AKT1: variants seen among roughly 807,000 people sequenced by gnomAD.
AKT1 encodes RAC-alpha serine/threonine-protein kinase.
A neutral mutation model predicts 63.1 loss-of-function variants in AKT1; 21 were observed. The observed-to-expected ratio is 0.33, with a 90% confidence interval of 0.24 to 0.48. AKT1 has a LOEUF of 0.48. Ranked by LOEUF, AKT1 falls within the 20% of genes least tolerant of loss-of-function variation. The probability of loss-of-function intolerance (pLI) is 0.99; values close to 1 mark genes in which losing one functional copy is unlikely to be tolerated. For missense variants in AKT1, 382 were observed against 666.0 expected, an observed-to-expected ratio of 0.57 and a Z score of 4.69; for synonymous variants, 257 against 253.1, an observed-to-expected ratio of 1.02 and a Z score of -0.15.
In AKT1 at chr14:104,775,184, C is replaced by T. The variant is rs1298697630; in HGVS notation, c.459G>A (p.Leu153=). The change falls in exon 7 of 15, where the codon CTG becomes CTA. Residue 153 remains leucine, a synonymous_variant. Transcript: ENST00000649815. Reference sequence around the variant, plus strand: ...CGAAAGTGCCCTTGCCCAGCAGCTTCAGGTACTCAAACTCGTTCATGGTCT... The same window carrying T: ...CGAAAGTGCCCTTGCCCAGCAGCTTTAGGTACTCAAACTCGTTCATGGTCT... The part of the protein sequence containing the change: ...HRVTMNEFEY[L]KLLGKGTFGK... The T allele has an allele frequency of 6.2e-7, 1 of 1,614,006 alleles. No individual in the cohort carries two copies. Among genetic ancestry groups the T allele is most frequent in the African/African-American group, 1.3e-5 (1 of 74,942 alleles).
intron 8 of AKT1, 147 bp from the exon 9 acceptor site, chr14:104,774,127 C>A: frequency 1.4e-6 from 1 of 717,948 alleles, no homozygotes; most frequent in Non-Finnish European, 2.4e-6. Flanking sequence ...ACCACGCTGC[C>A]TGATACCACA....
At position 104,777,551 on chromosome 14, in the gene AKT1, CACCTGGGGAACACAT is replaced by C. The variant is rs1339164116; in HGVS notation, c.176-796_176-782del. The C allele has an allele frequency of 7.9e-6, 8 of 1,016,326 alleles. No individual in the cohort carries two copies. In the African/African-American group the frequency reaches 1.0e-4, roughly 13 times the overall value. 63.0% of individuals were successfully genotyped at this position (1,016,326 alleles called of 1,614,324 possible). ...CACAGCCACACCTGGGGCACAAGCA[CACCTGGGGAACACAT>C]ACCTGGGGCACAGCCACACCTACAG... On this transcript the variant is annotated intron_variant, in intron 4 of 14. Transcript: ENST00000649815.
At chr14:104,774,745 G>C (rs1400200379) in intron 8 of AKT1, 193 bp downstream of exon 8, 3 of 635,940 alleles carry the variant, frequency 4.7e-6, no homozygotes. Flanking sequence ...CGGGAGCAGC[G>C]AGCACAGCCC....
intron 3 of AKT1, 119 bp from the exon 4 acceptor site, chr14:104,780,335 G>A (rs1892961741): frequency 2.9e-6 from 4 of 1,392,726 alleles, no homozygotes; most frequent in Non-Finnish European, 3.9e-6. Context: ...AGTCCCAGGG[G>A]GCAGGCGCGG....
At chr14:104,774,578 G>T (rs538761817) in intron 8 of AKT1, 2 of 306,922 alleles carry the variant, frequency 6.5e-6, no homozygotes, top group East Asian at 6.1e-5. Flanking sequence ...AATACCTCCT[G>T]GGCCAAGTCC....
chr14:104,771,081 C>T (rs546083181), intron 13 of AKT1: 5 of 532,298 alleles, frequency 9.4e-6, no homozygotes, highest in Non-Finnish European at 1.7e-5. Context: ...AAGCTGCCCT[C>T]ACAGCAGCCC....
At chr14:104,785,432 G>A (rs932779472) in intron 3 of AKT1, among the ~76,000 whole-genome samples, 13 of 152,192 alleles carry the variant, frequency 8.5e-5, no homozygotes, top group African/African-American at 2.4e-4. Context: ...TGCTCCTCCC[G>A]GCACAAGCCC....
intron 13 of AKT1, chr14:104,772,157 A>C (rs1595240618): frequency 3.3e-6 from 2 of 611,176 alleles, no homozygotes; most frequent in Non-Finnish European, 5.8e-6. Flanking sequence ...GGACCAGGCC[A>C]GTTTCCTGGT....
Position 104,773,398 on chromosome 14 carries a change from C to T in AKT1, c.829-19G>A. 6.2e-7 allele frequency: 1 copy of T among 1,614,168 alleles called. No homozygotes were observed. The highest frequency in any genetic ancestry group is 8.5e-7 in the Non-Finnish European group (1 of 1,179,986). On this transcript the variant is annotated intron_variant, in intron 10 of 14. Coordinates refer to ENST00000649815, the MANE Select transcript of AKT1 (RefSeq NM_001382430.1). ...TCTCCAGCTAGGGGAAAGGTGGCCT[C>T]AGGTCAGTGCCGCCAGGCCCCCAGG...
Position 104,776,736 on chromosome 14 carries a change from G to A in AKT1, c.210C>T (p.Pro70=), listed in dbSNP as rs1431558516. 1 of 1,613,266 alleles carries A rather than the reference G, an allele frequency of 6.2e-7. No homozygotes were observed. The change falls in exon 5 of 15, where the codon CCC becomes CCT. Residue 70 remains proline (P), a synonymous_variant. Coordinates refer to ENST00000649815, the MANE Select transcript of AKT1 (RefSeq NM_001382430.1). The part of the protein sequence containing the change: ...CQLMKTERPR[P]NTFIIRCLQW... ...GCAGGCAGCGGATGATGAAGGTGTTGGGCCGGGGCCGCTCCGTCTTCATCA... is the reference window on the plus strand; with the variant it reads ...GCAGGCAGCGGATGATGAAGGTGTTAGGCCGGGGCCGCTCCGTCTTCATCA...
intron 3 of AKT1, 93 bp downstream of exon 3, chr14:104,792,505 C>G (rs1301555969): frequency 2.0e-6 from 3 of 1,484,262 alleles, no homozygotes; most frequent in Non-Finnish European, 2.8e-6. Context: ...GAGGCAGCCC[C>G]TCCCACCCAG....
At position 104,776,668 on chromosome 14, in the gene AKT1, G is replaced by T. The variant is rs1296782302; in HGVS notation, c.278C>A (p.Pro93His). The T allele has an allele frequency of 1.9e-5, 31 of 1,613,094 alleles. No individual in the cohort carries two copies. Among genetic ancestry groups the T allele is most frequent in the African/African-American group, 2.7e-5 (2 of 74,948 alleles). Residue 93 changes from proline to histidine, a missense_variant, in exon 5 of 15, where the codon CCT (proline) becomes CAT (histidine). By Grantham distance (77) the Pro-to-His change is moderately conservative. Transcript: ENST00000649815. Reference sequence around the variant, plus strand: ...GCCACAGCCCACGTACCGCTCCTCAGGAGTCTCCACATGGAAGGTGCGTTC... The same window carrying T: ...GCCACAGCCCACGTACCGCTCCTCATGAGTCTCCACATGGAAGGTGCGTTC... ...VIERTFHVET[P>H]EEREEWTTAI...
intron 10 of AKT1, 22 bp from the exon 11 acceptor site, chr14:104,773,401 G>A: frequency 1.9e-6 from 3 of 1,614,136 alleles, no homozygotes; most frequent in East Asian, 2.2e-5. Context: ...GTGGCCTCAG[G>A]TCAGTGCCGC....
At chr14:104,791,793 G>A (rs1225359998) in intron 3 of AKT1, among the ~76,000 whole-genome samples, 2 of 152,234 alleles carry the variant, frequency 1.3e-5, no homozygotes, top group Non-Finnish European at 2.9e-5. Flanking sequence ...GAACAAGTCT[G>A]GAAAAAGAAG....
intron 12 of AKT1, 92 bp downstream of exon 12, chr14:104,772,786 G>A: frequency 7.5e-7 from 1 of 1,328,680 alleles, no homozygotes; most frequent in Non-Finnish European, 1.0e-6. Context: ...GTGTAGTCTG[G>A]GAGGTGCCAG....
intron 3 of AKT1, among the ~76,000 whole-genome samples, chr14:104,787,063 G>T (rs892519323): frequency 1.6e-4 from 25 of 152,086 alleles, no homozygotes; most frequent in African/African-American, 5.8e-4. Context: ...CCGCCTGGGG[G>T]GTGTGTGAGC....
In AKT1 at chr14:104,773,149, G is replaced by A. The variant is rs1056050445; in HGVS notation, c.958-57C>T. On this transcript the variant is annotated intron_variant, in intron 11 of 14. Coordinates refer to ENST00000649815, the MANE Select transcript of AKT1 (RefSeq NM_001382430.1). ...ATCAAGGGGTGTCCGGGACACTGCC[G>A]GGGGAGGTGTGACGTGCTTGGGGCA... 73 of 1,609,944 alleles carry A rather than the reference G, an allele frequency of 4.5e-5. 1 individual carries two copies. The Admixed American group carries it at 9.5e-4, about 21-fold the overall frequency.
intron 8 of AKT1, 89 bp from the exon 9 acceptor site, chr14:104,774,069 C>T (rs564156964): frequency 9.2e-6 from 12 of 1,303,204 alleles, no homozygotes; most frequent in South Asian, 2.5e-5. Context: ...CTTGATACCA[C>T]GTCGCCTGAT....
In AKT1 at chr14:104,771,890, G is replaced by A. The variant is rs139245993; in HGVS notation, c.1260+475C>T. ...CCCTCCAGGGCGGACTCCCCCATGT[G>A]CCAGAAAAGTAGGTGCTGTCCCTGT... is the stretch of plus-strand genomic sequence containing the variant. On this transcript the variant is annotated intron_variant, in intron 13 of 14. Coordinates refer to ENST00000649815, the MANE Select transcript of AKT1 (RefSeq NM_001382430.1). 3.1e-4 allele frequency: 79 copies of A among 252,006 alleles called. 1 individual carries two copies. Among genetic ancestry groups the A allele is most frequent in the Middle Eastern group, 2.4e-3 (2 of 838 alleles). 15.6% of individuals were successfully genotyped at this position (252,006 alleles called of 1,614,324 possible).
Sources: gnomAD v4.1 joint callset for allele counts (sites outside exome capture counted in the v4.1 genomes callset) on GRCh38, gnomAD v4.1.1 for gene constraint, MANE v1.5 for transcripts, NCBI Gene and HGNC (gene_info 2026-07-23, HGNC 2026-07-21) for gene names.